The following PTPRS variants were observed in gnomAD, a reference collection of about 807,000 sequenced individuals.
PTPRS encodes the protein receptor-type tyrosine-protein phosphatase S.
PTPRS carries 63 observed loss-of-function variants against 215.3 expected under a neutral mutation model. That is an observed-to-expected ratio of 0.29 (90% CI 0.24 to 0.36). PTPRS has a LOEUF of 0.36. PTPRS is among the 10% of genes least tolerant of loss of function. The pLI is 1.00. For missense variants in PTPRS, 2,258 were observed against 2,825.8 expected (o/e 0.80, Z 4.56); for synonymous variants, 1,404 against 1,191.4 (o/e 1.18, Z -3.68).
At chr19:5,309,656 C>T (rs529771917) in intron 1 of PTPRS, among the ~76,000 whole-genome samples, 4 of 152,290 alleles carry the variant, frequency 2.6e-5, no homozygotes, top group Non-Finnish European at 5.9e-5. Flanking sequence ...CTCATCTTCT[C>T]CGTCTTTACC....
At chr19:5,327,358 A>G (rs1219557496) in intron 1 of PTPRS, among the ~76,000 whole-genome samples, 1 of 151,948 alleles carries the variant, frequency 6.6e-6, no homozygotes, top group Non-Finnish European at 1.5e-5. Flanking sequence ...CAATACCAAG[A>G]CCCTTCTACC....
chr19:5,263,294 G>A (rs1386945308), intron 5 of PTPRS, among the ~76,000 whole-genome samples: 1 of 152,082 alleles, frequency 6.6e-6, no homozygotes, highest in African/African-American at 2.4e-5. Flanking sequence ...GAGATAGGAG[G>A]CGATTTGTCC....
At chr19:5,332,908 G>A (rs912827065) in intron 1 of PTPRS, among the ~76,000 whole-genome samples, 1 of 152,196 alleles carries the variant, frequency 6.6e-6, no homozygotes, top group Admixed American at 6.5e-5. Flanking sequence ...CGGCACTTTG[G>A]GAGGCCAAGG....
At chr19:5,264,975 G>C (rs1324634158) in intron 5 of PTPRS, 33 bp downstream of exon 5, 1 of 1,610,788 alleles carries the variant, frequency 6.2e-7, no homozygotes, top group South Asian at 1.1e-5. Context: ...TGCCCTCCAA[G>C]GCTCCCACGT....
intron 18 of PTPRS, 120 bp from the exon 19 acceptor site, chr19:5,222,340 GC>G: frequency 1.2e-6 from 1 of 832,920 alleles, no homozygotes; most frequent in Non-Finnish European, 2.0e-6. Context: ...CGTCCGCTGT[GC>G]CCATGCCCAC....
rs571788076 is a variant in PTPRS, at chr19:5,234,791, T to G, written c.1850-3176A>C. Among the ~76,000 whole-genome samples the G allele has an allele frequency of 2.0e-4, 31 of 152,196 alleles. No homozygotes were observed. In the South Asian group the frequency reaches 6.2e-3, roughly 31 times the overall value. On this transcript the variant is annotated intron_variant, in intron 13 of 37. Coordinates refer to ENST00000262963, the MANE Select transcript of PTPRS (RefSeq NM_002850.4). The stretch of plus-strand genomic sequence containing the variant: ...TAAAGGCTTCATCAGAAAACGATAG[T>G]AGTCACCACATATTAAGCACCTATT...
chr19:5,250,787 CAAAAACCAAA>C (rs150323435), intron 9 of PTPRS, among the ~76,000 whole-genome samples: 9,039 of 150,088 alleles, frequency 0.06, 396 homozygotes, highest in Non-Finnish European at 0.083. Context: ...GGCAGAAACA[CAAAAACCAAA>C]AAAGGGGGTT....
intron 1 of PTPRS, among the ~76,000 whole-genome samples, chr19:5,310,825 C>A (rs1403995051): frequency 6.6e-6 from 1 of 152,152 alleles, no homozygotes; most frequent in South Asian, 2.1e-4. Flanking sequence ...CCCACCTCAG[C>A]CTCCTGAGTA....
rs202098817 is a variant in PTPRS at position 5,278,475 on chromosome 19, C to CTTAT, written c.92-4135_92-4132dup. Among the ~76,000 whole-genome samples, 136 of 151,552 alleles carry CTTAT rather than the reference C, an allele frequency of 9.0e-4. 1 individual carries two copies. The highest frequency in any genetic ancestry group is 2.9e-3 in the African/African-American group (120 of 41,298). ...CTCACCTCGAGATGCTTTTTGATTA[C>CTTAT]TTATTTATTTATTTATTTCTGCGGC... On this transcript the variant is annotated intron_variant, in intron 2 of 37. Coordinates refer to ENST00000262963, the MANE Select transcript of PTPRS (RefSeq NM_002850.4).
rs1213314061 is a variant in PTPRS at position 5,287,745 on chromosome 19, G to C, written c.-94-1511C>G. 6.6e-6 allele frequency among the ~76,000 whole-genome samples: 1 copy of C among 152,134 alleles called. No individual in the cohort carries two copies. Among genetic ancestry groups the C allele is most frequent in the Admixed American group, 6.5e-5 (1 of 15,276 alleles). On this transcript the variant is annotated intron_variant, in intron 1 of 37. Coordinates refer to ENST00000262963, the MANE Select transcript of PTPRS (RefSeq NM_002850.4). This position sits in a 1 kb window ranked among gnomAD's most constrained non-coding sequence, Gnocchi z 4.8. ...TGGCCGGGTCACAGCCTAGGGTGACGAACGGGATTCGGGGGGCCTCAGTGT... is the reference window on the plus strand; with the variant it reads ...TGGCCGGGTCACAGCCTAGGGTGACCAACGGGATTCGGGGGGCCTCAGTGT...
At chr19:5,239,329 CAG>C (rs1427305421) in intron 12 of PTPRS, among the ~76,000 whole-genome samples, 1 of 150,072 alleles carries the variant, frequency 6.7e-6, no homozygotes, top group Non-Finnish European at 1.5e-5. Flanking sequence ...GAGACAGAGA[CAG>C]AGAGAAACAG....
In PTPRS at chr19:5,277,267, A is replaced by AAG. The variant is rs577304337; in HGVS notation, c.92-2925_92-2924dup. ...TCCCCGAGGGCTGCAACATACTTAC[A>AAG]AGAGCCCTTAGGAAGCAGCCTATAT... On this transcript the variant is annotated intron_variant, in intron 2 of 37. Coordinates refer to ENST00000262963, the MANE Select transcript of PTPRS (RefSeq NM_002850.4). Among the ~76,000 whole-genome samples the AAG allele has an allele frequency of 3.7e-3, 557 of 152,012 alleles. 5 individuals are homozygous for AAG. The highest frequency in any genetic ancestry group is 0.018 in the South Asian group (86 of 4,808).
rs773558015 is a variant in PTPRS, at chr19:5,221,209, G to C, written c.3246C>G (p.Thr1082=). 3.1e-6 allele frequency: 5 copies of C among 1,613,970 alleles called. No homozygotes were observed. The South Asian group carries it at 5.5e-5, about 18-fold the overall frequency. The change falls in exon 20 of 38, where the codon ACC becomes ACG. Residue 1082 remains threonine, a synonymous_variant. Coordinates refer to ENST00000262963, the MANE Select transcript of PTPRS (RefSeq NM_002850.4). ...GCTTGAGGTGCGTGATGAGCTTCTTGGTGGTACGGCCATCCACATCCAGTG... is the reference window on the plus strand; with the variant it reads ...GCTTGAGGTGCGTGATGAGCTTCTTCGTGGTACGGCCATCCACATCCAGTG... The part of the protein sequence containing the change: ...GLTLDVDGRT[T]KKLITHLKPH...
At chr19:5,296,669 G>A (rs1332589155) in intron 1 of PTPRS, among the ~76,000 whole-genome samples, 1 of 150,078 alleles carries the variant, frequency 6.7e-6, no homozygotes, top group East Asian at 2.0e-4. Flanking sequence ...GGAATGGCGA[G>A]GAGGCCAGTG....
chr19:5,248,316 AAGAG>A (rs749600643), intron 9 of PTPRS, among the ~76,000 whole-genome samples: 24 of 152,304 alleles, frequency 1.6e-4, no homozygotes, highest in Non-Finnish European at 2.5e-4. Flanking sequence ...TAAAAAAAGA[AAGAG>A]AGAATCTAAA....
intron 1 of PTPRS, among the ~76,000 whole-genome samples, chr19:5,327,400 G>A (rs1042536094): frequency 6.6e-6 from 1 of 152,112 alleles, no homozygotes; most frequent in Non-Finnish European, 1.5e-5. Flanking sequence ...TTTTGCAGAC[G>A]AGAAAACTGA....
intron 1 of PTPRS, among the ~76,000 whole-genome samples, chr19:5,286,588 G>A (rs1237607585): frequency 1.3e-5 from 2 of 152,102 alleles, no homozygotes; most frequent in East Asian, 3.9e-4. Context: ...TGCCACGTGA[G>A]GACACAGGGA....
Position 5,314,561 on chromosome 19 carries a change from A to T in PTPRS, c.-95+26103T>A, listed in dbSNP as rs550420766. 5.0e-3 allele frequency among the ~76,000 whole-genome samples: 740 copies of T among 148,040 alleles called. 3 individuals carry two copies. The highest frequency in any genetic ancestry group is 5.4e-3 in the Admixed American group (80 of 14,784). On this transcript the variant is annotated intron_variant, in intron 1 of 37. Transcript: ENST00000262963. ...TATTTATTTATTTATTTAAAAAAAA[A>T]TTTTTTTTTTTTGAAACAGCATTTC...
chr19:5,211,618 T>C lies in PTPRS; in HGVS notation c.5206A>G (p.Ile1736Val). 6.2e-7 allele frequency: 1 copy of C among 1,611,502 alleles called. No homozygotes were observed. Among genetic ancestry groups the C allele is most frequent in the Non-Finnish European group, 8.5e-7 (1 of 1,177,964 alleles). The change falls in exon 33 of 38, where the codon ATC becomes GTC. Residue 1736 changes from isoleucine (I) to valine (V), a missense_variant. Ile to Val is a conservative substitution (Grantham distance 29). This residue lies in a region of PTPRS where 927 missense variants were observed against 1,125.9 expected (regional missense o/e 0.82). Transcript: ENST00000262963. The stretch of plus-strand genomic sequence containing the variant: ...TAGCCATCAATGAAGCTGGCGTTGA[T>C]GTAGTCAGAGCCCTCCACACCCCGG... ...PIRGVEGSDY[I>V]NASFIDGYRQ...
Sources: allele counts gnomAD v4.1 joint callset (sites outside exome capture counted in the v4.1 genomes callset), GRCh38; gene constraint gnomAD v4.1.1; regional missense constraint gnomAD v4.1.1; non-coding constraint Gnocchi (gnomAD v3.1); transcripts MANE v1.5; gene names NCBI Gene and HGNC (gene_info 2026-07-23, HGNC 2026-07-21).